Variants in MOB1B observed in about 807,000 individuals in gnomAD.
MOB1B encodes MOB1 Mps One Binder homolog B.
MOB1B carries 19 observed loss-of-function variants against 24.4 expected under a neutral mutation model. The observed-to-expected ratio is 0.78, with a 90% CI of 0.54 to 1.14. The LOEUF (loss-of-function observed/expected upper bound fraction) is 1.14. MOB1B is among the 50% of genes most tolerant of loss of function. MOB1B has a pLI of 0.00. For missense variants in MOB1B, 243 were observed against 259.6 expected (o/e 0.94, Z 0.44); for synonymous variants, 76 against 82.1 (o/e 0.93, Z 0.40).
At chr4:70,976,780 C>A (rs550842051) in intron 4 of MOB1B, 11,777 of 198,676 alleles carry the variant, frequency 0.059, 1,354 homozygotes, top group African/African-American at 0.28. Flanking sequence ...ATATATCTCT[C>A]TCTCTCAATC....
intron 4 of MOB1B, chr4:70,976,621 GA>G: frequency 1.1e-5 from 11 of 978,328 alleles, no homozygotes; most frequent in Non-Finnish European, 1.3e-5. Context: ...GACATTTTAC[GA>G]TTTTTTTTGA....
chr4:70,928,200 T>C (rs2148877379), intron 1 of MOB1B, among the ~76,000 whole-genome samples: 1 of 152,220 alleles, frequency 6.6e-6, no homozygotes, highest in Admixed American at 6.5e-5. Flanking sequence ...AGATGGGGCA[T>C]TTTCAAAAAA....
intron 1 of MOB1B, among the ~76,000 whole-genome samples, chr4:70,940,521 C>G (rs1189803146): frequency 6.6e-6 from 1 of 152,068 alleles, no homozygotes; most frequent in Non-Finnish European, 1.5e-5. Flanking sequence ...GTGACTTGCC[C>G]GTATTAGGTA....
chr4:70,910,090 C>T (rs910030664), intron 1 of MOB1B, among the ~76,000 whole-genome samples: 9 of 151,650 alleles, frequency 5.9e-5, no homozygotes, highest in African/African-American at 1.7e-4. Flanking sequence ...ACGCAGACTG[C>T]AGTGTAGTGG....
chr4:70,956,736 T>G (rs542223682), intron 1 of MOB1B, among the ~76,000 whole-genome samples: 2 of 152,322 alleles, frequency 1.3e-5, no homozygotes, highest in Admixed American at 6.5e-5. Flanking sequence ...TGAGTGTTTT[T>G]AAAGTGATCC....
At chr4:70,946,383 T>C (rs1737584714) in intron 1 of MOB1B, among the ~76,000 whole-genome samples, 1 of 152,164 alleles carries the variant, frequency 6.6e-6, no homozygotes, top group South Asian at 2.1e-4. Context: ...GCTTCTGTGT[T>C]AGGTATTGGG....
chr4:70,972,994 T>C (rs568118784), intron 3 of MOB1B, among the ~76,000 whole-genome samples: 3,323 of 151,822 alleles, frequency 0.022, 129 homozygotes, highest in African/African-American at 0.076. Flanking sequence ...AGGATTGTCT[T>C]GATCTCCTGA....
chr4:70,905,009 A>G (rs1461392623), intron 1 of MOB1B, among the ~76,000 whole-genome samples: 2 of 152,112 alleles, frequency 1.3e-5, no homozygotes, highest in African/African-American at 4.8e-5. Flanking sequence ...TTGGGGCACA[A>G]TTTTTCAGTT....
chr4:70,944,475 A>T (rs1165332447), intron 1 of MOB1B, among the ~76,000 whole-genome samples: 1 of 151,994 alleles, frequency 6.6e-6, no homozygotes, highest in Non-Finnish European at 1.5e-5. Flanking sequence ...GAGATTGACA[A>T]CTCGTTTTAT....
intron 1 of MOB1B, among the ~76,000 whole-genome samples, chr4:70,904,632 A>C (rs1341296520): frequency 6.6e-6 from 1 of 151,816 alleles, no homozygotes; most frequent in African/African-American, 2.4e-5. Context: ...GGTGGCACGC[A>C]CCTGTAGTCC....
At position 70,975,150 on chromosome 4, in the gene MOB1B, C is replaced by A. The variant is rs1266570976; in HGVS notation, c.276-3C>A. 6.3e-7 allele frequency: 1 copy of A among 1,596,968 alleles called. No homozygotes were observed. Among genetic ancestry groups the A allele is most frequent in the Non-Finnish European group, 8.5e-7 (1 of 1,173,550 alleles). Reference sequence around the variant, plus strand: ...CTGTGTGCTTTTTATCTCTCCAATGCAGATATGAGTATCATTGGGCAGATG... The same window carrying A: ...CTGTGTGCTTTTTATCTCTCCAATGAAGATATGAGTATCATTGGGCAGATG... On this transcript the variant is annotated splice_polypyrimidine_tract_variant and splice_region_variant and intron_variant, in intron 3 of 5. Coordinates refer to ENST00000309395, the MANE Select transcript of MOB1B (RefSeq NM_173468.4).
At chr4:70,936,951 C>G (rs1578368265) in intron 1 of MOB1B, among the ~76,000 whole-genome samples, 2 of 151,976 alleles carry the variant, frequency 1.3e-5, no homozygotes, top group East Asian at 1.9e-4. Context: ...GAGTCTTGCT[C>G]TGTTGCCCAG....
At chr4:70,961,923 A>T (rs1668990632) in intron 2 of MOB1B, among the ~76,000 whole-genome samples, 1 of 152,204 alleles carries the variant, frequency 6.6e-6, no homozygotes. Context: ...AATAAAAAAT[A>T]ATCCTGAAGA....
At chr4:70,911,904 T>G (rs953344254) in intron 1 of MOB1B, among the ~76,000 whole-genome samples, 12 of 151,878 alleles carry the variant, frequency 7.9e-5, no homozygotes, top group African/African-American at 2.9e-4. Context: ...CATCTTTTTT[T>G]TTTTTTTTTT....
At chr4:70,914,148 G>A (rs897432511) in intron 1 of MOB1B, among the ~76,000 whole-genome samples, 8 of 152,144 alleles carry the variant, frequency 5.3e-5, no homozygotes, top group African/African-American at 1.2e-4. Context: ...CATAGGAGGC[G>A]CCATTTACGA....
At chr4:70,904,551 G>T (rs144542887) in intron 1 of MOB1B, among the ~76,000 whole-genome samples, 9 of 151,812 alleles carry the variant, frequency 5.9e-5, no homozygotes, top group African/African-American at 1.7e-4. Flanking sequence ...ACCAGGTCAG[G>T]AGTTCGAGAT....
chr4:70,905,642 C>A (rs1560624484), intron 1 of MOB1B, among the ~76,000 whole-genome samples: 1 of 152,102 alleles, frequency 6.6e-6, no homozygotes, highest in African/African-American at 2.4e-5. Flanking sequence ...TGGAAGCTTA[C>A]TGGGAAGCCT....
In MOB1B at chr4:70,981,987, A is replaced by G. The variant is rs769682033; in HGVS notation, c.581A>G (p.Asn194Ser). 13 of 1,606,234 alleles carry G rather than the reference A, an allele frequency of 8.1e-6. No homozygotes were observed. The highest frequency in any genetic ancestry group is 6.6e-5 in the South Asian group (6 of 90,802). The change falls in exon 6 of 6, where the codon AAC becomes AGC. Residue 194 changes from asparagine to serine, a missense_variant. Asn to Ser is a conservative substitution (Grantham distance 46). Transcript: ENST00000309395. ...TCTTTATATCATGCATAGGAATTCA[A>G]CCTTATTGATAGAAGAGAACTTGCA... Reference protein sequence around the residue: ...KHFIFFVQEFNLIDRRELAPL... With the variant: ...KHFIFFVQEFSLIDRRELAPL...
intron 1 of MOB1B, among the ~76,000 whole-genome samples, chr4:70,915,048 CT>C (rs1245114616): frequency 6.6e-6 from 1 of 152,186 alleles, no homozygotes; most frequent in Non-Finnish European, 1.5e-5. Flanking sequence ...ATCGATTGGA[CT>C]TATGTGCGAC....
Sources: gnomAD v4.1 joint callset for allele counts (sites outside exome capture counted in the v4.1 genomes callset) on GRCh38, gnomAD v4.1.1 for gene constraint, MANE v1.5 for transcripts, NCBI Gene and HGNC (gene_info 2026-07-23, HGNC 2026-07-21) for gene names.